Variants in BTAF1 observed in about 807,000 individuals in gnomAD.
BTAF1 encodes the protein B-TFIID TATA-box binding protein associated factor 1, also known as TATA-binding protein-associated factor 172.
A neutral mutation model predicts 227.1 loss-of-function variants in BTAF1; 38 were observed. The observed-to-expected ratio is 0.17, with a 90% CI of 0.13 to 0.22. The LOEUF (loss-of-function observed/expected upper bound fraction) is 0.22. Ranked by LOEUF, BTAF1 falls within the 10% of genes least tolerant of loss-of-function variation. The probability of loss-of-function intolerance (pLI) is 1.00; values close to 1 mark genes in which losing one functional copy is unlikely to be tolerated. For synonymous variants in BTAF1, 742 were observed against 751.9 expected, an observed-to-expected ratio of 0.99 and a Z score of 0.21; for missense variants, 1,598 against 2,204.0, an observed-to-expected ratio of 0.73 and a Z score of 5.51.
chr10:91,927,136 GTTTGATTTTT>G (rs1843901567), intron 1 of BTAF1, among the ~76,000 whole-genome samples: 1 of 99,698 alleles, frequency 1.0e-5, no homozygotes, highest in African/African-American at 4.7e-5. Context: ...GTGTTTTTTT[GTTTGATTTTT>G]TTTTTTTTTG....
chr10:91,994,067 A>G (rs1442693508), intron 22 of BTAF1, among the ~76,000 whole-genome samples: 1 of 152,186 alleles, frequency 6.6e-6, no homozygotes, highest in African/African-American at 2.4e-5. Context: ...TAATCCCAGC[A>G]CTTTGGGAGG....
At chr10:92,027,054 T>C in intron 36 of BTAF1, 76 bp from the exon 37 acceptor site, 3 of 1,439,938 alleles carry the variant, frequency 2.1e-6, no homozygotes, top group East Asian at 2.3e-5. Context: ...ATAGTACAAG[T>C]CTACAAGCCC....
At chr10:91,972,702 TG>T (rs1847390853) in intron 14 of BTAF1, among the ~76,000 whole-genome samples, 1 of 152,240 alleles carries the variant, frequency 6.6e-6, no homozygotes, top group South Asian at 2.1e-4. Flanking sequence ...AAACTCTTTG[TG>T]GTGCAGTTCC....
At chr10:91,942,325 TGTG>T (rs1845071126) in intron 3 of BTAF1, 94 bp from the exon 4 acceptor site, 1 of 816,472 alleles carries the variant, frequency 1.2e-6, no homozygotes, top group Non-Finnish European at 1.9e-6. Context: ...TGTGTGTGTG[TGTG>T]TGTAACCCAT....
chr10:91,942,335 C>G (rs1239317082), intron 3 of BTAF1, 87 bp from the exon 4 acceptor site: 1 of 775,528 alleles, frequency 1.3e-6, no homozygotes, highest in African/African-American at 1.8e-5. Flanking sequence ...TGTGTGTAAC[C>G]CATGCAACCC....
intron 1 of BTAF1, among the ~76,000 whole-genome samples, chr10:91,927,980 CTTTTTTTT>C (rs60105160): frequency 3.8e-4 from 46 of 121,568 alleles, no homozygotes; most frequent in Admixed American, 2.3e-3. Flanking sequence ...TGCCTTTTTT[CTTTTTTTT>C]TTTTTTTTTT....
At position 92,026,690 on chromosome 10, in the gene BTAF1, A is replaced by G. The variant is rs1485434577; in HGVS notation, c.5174A>G (p.Glu1725Gly). The G allele has an allele frequency of 1.9e-6, 3 of 1,605,330 alleles. No homozygotes were observed. Among genetic ancestry groups the G allele is most frequent in the Non-Finnish European group, 2.6e-6 (3 of 1,176,208 alleles). ...LTGADTVVFV[E>G]HDWNPMRDLQ... ...GGCGCTGACACAGTAGTATTTGTGGAGCATGACTGGAATCCTATGCGAGAT... is the reference window on the plus strand; with the variant it reads ...GGCGCTGACACAGTAGTATTTGTGGGGCATGACTGGAATCCTATGCGAGAT... The change falls in exon 36 of 38, where the codon GAG becomes GGG. Residue 1725 changes from glutamate to glycine, a missense_variant. Physicochemically the swap from Glu to Gly is moderately conservative, Grantham distance 98 (BLOSUM62 -2). Transcript: ENST00000265990.
rs1264811815 is a variant in BTAF1, at chr10:91,935,744, G to A, written c.102G>A (p.Lys34=). The change falls in exon 2 of 38, where the codon AAG becomes AAA. Residue 34 remains lysine, a synonymous_variant. Coordinates refer to ENST00000265990, the MANE Select transcript of BTAF1 (RefSeq NM_003972.3). ...AAAQQLGEVV[K]LHPHELNNLL... ...CACAGCAACTTGGAGAAGTGGTGAA[G>A]CTTCATCCCCATGAACTAAATAATC... 1 of 1,613,022 alleles carries A rather than the reference G, an allele frequency of 6.2e-7. No homozygotes were observed. The highest frequency in any genetic ancestry group is 1.3e-5 in the African/African-American group (1 of 74,882).
intron 2 of BTAF1, among the ~76,000 whole-genome samples, chr10:91,937,823 A>G (rs1156607075): frequency 6.6e-6 from 1 of 152,174 alleles, no homozygotes; most frequent in Non-Finnish European, 1.5e-5. Context: ...GAATTACTGT[A>G]CCATATGGTA....
intron 25 of BTAF1, among the ~76,000 whole-genome samples, chr10:92,007,019 G>A (rs532754018): frequency 6.6e-6 from 1 of 151,156 alleles, no homozygotes; most frequent in East Asian, 1.9e-4. Flanking sequence ...GGAAATTCTT[G>A]GAGTATTAAA....
intron 36 of BTAF1, 39 bp downstream of exon 36, chr10:92,026,790 A>T (rs778969997): frequency 6.3e-7 from 1 of 1,583,982 alleles, no homozygotes; most frequent in Admixed American, 1.8e-5. Flanking sequence ...TAACCTGTGC[A>T]TGAAAATATA....
intron 4 of BTAF1, among the ~76,000 whole-genome samples, chr10:91,950,748 G>C (rs925768112): frequency 2.6e-5 from 4 of 151,816 alleles, no homozygotes. Flanking sequence ...ACAAAATCTA[G>C]ATGTTTTTTT....
At position 91,940,049 on chromosome 10, in the gene BTAF1, T is replaced by G; in HGVS notation, c.236T>G (p.Val79Gly). 6.2e-7 allele frequency: 1 copy of G among 1,611,160 alleles called. No individual in the cohort carries two copies. The highest frequency in any genetic ancestry group is 8.5e-7 in the Non-Finnish European group (1 of 1,177,952). The change falls in exon 3 of 38, where the codon GTG (valine) becomes GGG (glycine). Residue 79 changes from valine (V) to glycine (G), a missense_variant. By Grantham distance (109) the Val-to-Gly change is moderately radical. Coordinates refer to ENST00000265990, the MANE Select transcript of BTAF1 (RefSeq NM_003972.3). ...IVKNVPEWNP[V>G]PRTRQEPTSE... Reference sequence around the variant, plus strand: ...AAAAATGTACCTGAGTGGAATCCAGTGCCGAGAACCAGACAAGGTGCTTTT... The same window carrying G: ...AAAAATGTACCTGAGTGGAATCCAGGGCCGAGAACCAGACAAGGTGCTTTT...
At chr10:91,963,962 G>T in intron 12 of BTAF1, 115 bp from the exon 13 acceptor site, 1 of 1,146,302 alleles carries the variant, frequency 8.7e-7, no homozygotes, top group Non-Finnish European at 1.3e-6. Context: ...ACCGTCCAAG[G>T]TCATTGGAAT....
intron 19 of BTAF1, 71 bp downstream of exon 19, chr10:91,984,475 G>A (rs1009125955): frequency 7.5e-7 from 1 of 1,332,426 alleles, no homozygotes; most frequent in African/African-American, 1.5e-5. Flanking sequence ...GTCATGACAT[G>A]TTTATCACAA....
chr10:91,935,789 TTTTTTTTTTC>T lies in BTAF1; in HGVS notation c.138+14_138+23del, dbSNP rs1224925923. 1 of 1,461,510 alleles carries T rather than the reference TTTTTTTTTTC, an allele frequency of 6.8e-7. No individual in the cohort carries two copies. The highest frequency in any genetic ancestry group is 9.2e-7 in the Non-Finnish European group (1 of 1,083,998). 90.5% of individuals were successfully genotyped at this position (1,461,510 alleles called of 1,614,324 possible). A position where few individuals can be genotyped will look rare whatever the true frequency, so the allele number is the denominator to read the frequency against. ...ATAATCTCCTGTCTAAAGTAAGAAC[TTTTTTTTTTC>T]TTTTAGCATAATACAATTGTAGAGA... On this transcript the variant is annotated intron_variant, in intron 2 of 37. Transcript: ENST00000265990.
intron 4 of BTAF1, among the ~76,000 whole-genome samples, chr10:91,948,241 G>A (rs1845524007): frequency 6.9e-6 from 1 of 145,712 alleles, no homozygotes; most frequent in Non-Finnish European, 1.5e-5. Context: ...TCCCACCTAT[G>A]AGTGAGAACA....
In BTAF1 at chr10:92,028,981, G is replaced by C; in HGVS notation, c.*48G>C. 6.6e-7 allele frequency: 1 copy of C among 1,508,882 alleles called. No individual in the cohort carries two copies. The highest frequency in any genetic ancestry group is 1.3e-5 in the South Asian group (1 of 75,564). The allele number at this position is 1,508,882 out of a possible 1,614,324, so 93.5% of individuals were successfully genotyped here. ...TTGCTGCTAGTTCAGTTACATTTCTGCTGATATTCAGCAAATTTCTAAGTT... is the reference window on the plus strand; with the variant it reads ...TTGCTGCTAGTTCAGTTACATTTCTCCTGATATTCAGCAAATTTCTAAGTT... On this transcript the variant is annotated 3_prime_UTR_variant, in exon 38 of 38. Transcript: ENST00000265990.
chr10:91,985,582 T>C (rs909078603), intron 19 of BTAF1, among the ~76,000 whole-genome samples: 1 of 152,172 alleles, frequency 6.6e-6, no homozygotes, highest in Non-Finnish European at 1.5e-5. Flanking sequence ...AAAGAGATTG[T>C]ATCATTTTAC....
Sources: gnomAD v4.1 joint callset for allele counts (sites outside exome capture counted in the v4.1 genomes callset) on GRCh38, gnomAD v4.1.1 for gene constraint, MANE v1.5 for transcripts, NCBI Gene and HGNC (gene_info 2026-07-23, HGNC 2026-07-21) for gene names.